SLC14A2: variants seen among roughly 807,000 people sequenced by gnomAD.
The protein encoded by SLC14A2 is urea transporter 2.
A neutral mutation model predicts 104.6 loss-of-function variants in SLC14A2; 91 were observed. The observed-to-expected ratio is 0.87, with a 90% CI of 0.73 to 1.04. The LOEUF is 1.04. Ranked by LOEUF, SLC14A2 falls within the 50% of genes least tolerant of loss-of-function variation. SLC14A2 has a pLI of 0.00. For missense variants in SLC14A2, 1,189 were observed against 1,156.0 expected, an observed-to-expected ratio of 1.03 and a Z score of -0.41; for synonymous variants, 476 against 466.4, an observed-to-expected ratio of 1.02 and a Z score of -0.27.
chr18:45,236,333 GTA>G (rs370411600), intron 1 of SLC14A2, among the ~76,000 whole-genome samples: 325 of 26,478 alleles, frequency 0.012, 4 homozygotes, highest in Non-Finnish European at 0.014. Flanking sequence ...ATGTATGTGT[GTA>G]TATATGTGTA....
intron 2 of SLC14A2, among the ~76,000 whole-genome samples, chr18:45,534,839 T>C (rs900248608): frequency 6.6e-6 from 1 of 152,190 alleles, no homozygotes; most frequent in Non-Finnish European, 1.5e-5. Context: ...CAGTTAATGG[T>C]AGATTATTTT....
chr18:45,668,017 G>C lies in SLC14A2; in HGVS notation c.1902G>C (p.Gln634His). The C allele has an allele frequency of 6.2e-7, 1 of 1,613,972 alleles. No individual in the cohort carries two copies. The highest frequency in any genetic ancestry group is 1.1e-5 in the South Asian group (1 of 91,066). Residue 634 changes from glutamine (Q) to histidine (H), a missense_variant, in exon 14 of 20, where the codon CAG becomes CAC. Physicochemically the swap from Gln to His is conservative, Grantham distance 24. Coordinates refer to ENST00000255226, the MANE Select transcript of SLC14A2 (RefSeq NM_007163.4). ...CCTTGACAGCCCTCATCCTGAGTCA[G>C]GACAAGTAAGTCCCAGAGGCTCAGG... The part of the protein sequence containing the change: ...MSTLTALILS[Q>H]DKSAIAAGFH...
intron 1 of SLC14A2, among the ~76,000 whole-genome samples, chr18:45,478,015 A>G (rs988572351): frequency 6.6e-6 from 1 of 152,136 alleles, no homozygotes; most frequent in Non-Finnish European, 1.5e-5. Flanking sequence ...CTGGCGTTCC[A>G]GGTGCCACTG....
intron 1 of SLC14A2, among the ~76,000 whole-genome samples, chr18:45,248,988 A>C (rs1235950338): frequency 6.6e-6 from 1 of 152,160 alleles, no homozygotes; most frequent in Non-Finnish European, 1.5e-5. Flanking sequence ...CACGTTCCAT[A>C]ATTTTTCTCT....
intron 2 of SLC14A2, among the ~76,000 whole-genome samples, chr18:45,592,114 G>A (rs2044656140): frequency 6.6e-6 from 1 of 152,162 alleles, no homozygotes; most frequent in Admixed American, 6.5e-5. Flanking sequence ...CTTCCATCCT[G>A]GGGGAAAGGT....
chr18:45,286,556 TA>T (rs1490781734), intron 1 of SLC14A2, among the ~76,000 whole-genome samples: 10 of 152,224 alleles, frequency 6.6e-5, no homozygotes, highest in Non-Finnish European at 1.0e-4. Context: ...GTGGCTGCAT[TA>T]ATTTTAGATC....
At chr18:45,604,192 C>A (rs1456765070) in intron 2 of SLC14A2, among the ~76,000 whole-genome samples, 1 of 152,054 alleles carries the variant, frequency 6.6e-6, no homozygotes, top group Non-Finnish European at 1.5e-5. Context: ...CTGGGGTAAA[C>A]AAATTACTTC....
intron 2 of SLC14A2, among the ~76,000 whole-genome samples, chr18:45,568,407 G>A (rs1025307996): frequency 6.6e-6 from 1 of 152,376 alleles, no homozygotes; most frequent in Admixed American, 6.5e-5. Flanking sequence ...GGGACGTGCT[G>A]TCTAGCTGGA....
intron 5 of SLC14A2, among the ~76,000 whole-genome samples, chr18:45,634,274 G>A (rs144412182): frequency 6.8e-4 from 104 of 152,316 alleles, no homozygotes; most frequent in Middle Eastern, 3.4e-3. Flanking sequence ...TGAGTGAAAG[G>A]TTGACCCTAG....
chr18:45,250,751 C>CTGACT (rs1165070845), intron 1 of SLC14A2, among the ~76,000 whole-genome samples: 212 of 113,822 alleles, frequency 1.9e-3, no homozygotes, highest in Non-Finnish European at 2.5e-3. Flanking sequence ...CTAGTGGCTT[C>CTGACT]TTCCTTTTTT....
chr18:45,456,035 A>G (rs1267794816), intron 1 of SLC14A2, among the ~76,000 whole-genome samples: 2 of 152,156 alleles, frequency 1.3e-5, no homozygotes, highest in African/African-American at 2.4e-5. Flanking sequence ...CTTGGGCACT[A>G]TTAACATTTT....
chr18:45,556,303 A>G (rs1486304266), intron 2 of SLC14A2, among the ~76,000 whole-genome samples: 1 of 152,160 alleles, frequency 6.6e-6, no homozygotes, highest in African/African-American at 2.4e-5. Context: ...ACCTTATCAT[A>G]TATTTTAGTG....
chr18:45,569,688 CTAT>C, intron 2 of SLC14A2, among the ~76,000 whole-genome samples: 1 of 152,170 alleles, frequency 6.6e-6, no homozygotes, highest in African/African-American at 2.4e-5. Context: ...AATGCTCATG[CTAT>C]TATGGCAAAG....
intron 2 of SLC14A2, among the ~76,000 whole-genome samples, chr18:45,486,896 T>C (rs185324943): frequency 6.6e-6 from 1 of 152,284 alleles, no homozygotes; most frequent in African/African-American, 2.4e-5. Context: ...TAGTCTAAAA[T>C]TGTCGTTTTA....
At chr18:45,358,645 A>T (rs933711618) in intron 1 of SLC14A2, among the ~76,000 whole-genome samples, 1 of 152,144 alleles carries the variant, frequency 6.6e-6, no homozygotes, top group African/African-American at 2.4e-5. Flanking sequence ...TGACATAATT[A>T]TAGCTCACTG....
At chr18:45,278,762 T>C (rs1163530952) in intron 1 of SLC14A2, among the ~76,000 whole-genome samples, 2 of 152,146 alleles carry the variant, frequency 1.3e-5, no homozygotes, top group Non-Finnish European at 2.9e-5. Context: ...AATCCACATA[T>C]AAATGAACCT....
chr18:45,295,558 A>G (rs2084910950), intron 1 of SLC14A2, among the ~76,000 whole-genome samples: 1 of 152,282 alleles, frequency 6.6e-6, no homozygotes, highest in East Asian at 1.9e-4. Flanking sequence ...GTTTCCTTAG[A>G]AGAGGTCAGG....
the SLC14A2 span, among the ~76,000 whole-genome samples, chr18:45,175,966 C>T: frequency 6.6e-6 from 1 of 152,164 alleles, no homozygotes; most frequent in Non-Finnish European, 1.5e-5. Context: ...TACGACAATT[C>T]TCTGGCTAAT....
the SLC14A2 span, among the ~76,000 whole-genome samples, chr18:45,192,789 T>C: frequency 6.6e-6 from 1 of 152,150 alleles, no homozygotes; most frequent in African/African-American, 2.4e-5. Context: ...CCCGAGTAGC[T>C]GGGACTATAG....
Sources: allele counts gnomAD v4.1 joint callset (sites outside exome capture counted in the v4.1 genomes callset), GRCh38; gene constraint gnomAD v4.1.1; transcripts MANE v1.5; gene names NCBI Gene and HGNC (gene_info 2026-07-23, HGNC 2026-07-21).